TGFBRAP1: variants seen among roughly 807,000 people sequenced by gnomAD.
The protein encoded by TGFBRAP1 is transforming growth factor beta receptor associated protein 1.
In TGFBRAP1, 20 loss-of-function variants were observed where a neutral mutation model predicts 83.2. The observed-to-expected ratio is 0.24, with a 90% CI of 0.17 to 0.35. The LOEUF (loss-of-function observed/expected upper bound fraction) is 0.35, where lower values mean the gene tolerates loss of function less well. Among genes scored for constraint, TGFBRAP1 ranks in the 10% least tolerant of loss-of-function variants. TGFBRAP1 has a pLI of 1.00. For missense variants in TGFBRAP1, 950 were observed against 1,099.4 expected (o/e 0.86, Z 1.92); for synonymous variants, 415 against 459.8 (o/e 0.90, Z 1.25).
chr2:105,253,728 C>A, the TGFBRAP1 span, among the ~76,000 whole-genome samples: 4 of 152,294 alleles, frequency 2.6e-5, no homozygotes, highest in South Asian at 8.3e-4. Flanking sequence ...AGCCAATGAA[C>A]CTGGCCTCCT....
chr2:105,306,438 A>C (rs956960691), intron 2 of TGFBRAP1, among the ~76,000 whole-genome samples: 1 of 152,084 alleles, frequency 6.6e-6, no homozygotes, highest in Non-Finnish European at 1.5e-5. Flanking sequence ...GCTAGACATG[A>C]ATGGGAGGGA....
chr2:105,328,796 G>T (rs1359657664), intron 1 of TGFBRAP1, among the ~76,000 whole-genome samples: 2 of 152,198 alleles, frequency 1.3e-5, no homozygotes. Context: ...TGTGTGATCT[G>T]TGAGCCCCCA....
the TGFBRAP1 span, among the ~76,000 whole-genome samples, chr2:105,259,115 A>T: frequency 1.3e-5 from 2 of 152,286 alleles, no homozygotes; most frequent in South Asian, 2.1e-4. Flanking sequence ...TAATTGCATA[A>T]CCTTTGCTGT....
At position 105,280,642 on chromosome 2, in the gene TGFBRAP1, G is replaced by T; in HGVS notation, c.1203C>A (p.His401Gln). Residue 401 changes from histidine (H) to glutamine (Q), a missense_variant, in exon 6 of 12, where the codon CAC becomes CAA. His to Gln is a conservative substitution (Grantham distance 24). Transcript: ENST00000393359. ...LPTSSSFTRSHPPLHEYADLN... is the reference protein window; with the variant it reads ...LPTSSSFTRSQPPLHEYADLN... ...GGTCTGCGTACTCATGAAGAGGAGG[G>T]TGGGACCGGGTGAAGGAGGAGGAGG... The T allele has an allele frequency of 2.5e-6, 4 of 1,614,174 alleles. No individual in the cohort carries two copies. Among genetic ancestry groups the T allele is most frequent in the South Asian group, 2.2e-5 (2 of 91,080 alleles).
chr2:105,278,170 T>C (rs577706600), intron 6 of TGFBRAP1, among the ~76,000 whole-genome samples: 1 of 152,018 alleles, frequency 6.6e-6, no homozygotes, highest in Non-Finnish European at 1.5e-5. Context: ...TATTTACTTA[T>C]GGTACTAAAA....
downstream of TGFBRAP1, among the ~76,000 whole-genome samples, chr2:105,263,313 C>T (rs192838844): frequency 4.6e-5 from 7 of 152,256 alleles, no homozygotes; most frequent in Admixed American, 3.9e-4. Context: ...TTCTAAAAAC[C>T]GCAATGCGAT....
intron 1 of TGFBRAP1, among the ~76,000 whole-genome samples, chr2:105,320,118 A>G (rs1679011827): frequency 6.6e-6 from 1 of 152,196 alleles, no homozygotes; most frequent in African/African-American, 2.4e-5. Context: ...TCCACCTGAG[A>G]GCCAACTTTA....
chr2:105,274,546 G>A (rs1677272503), intron 8 of TGFBRAP1, among the ~76,000 whole-genome samples: 1 of 152,230 alleles, frequency 6.6e-6, no homozygotes, highest in African/African-American at 2.4e-5. Context: ...ACCTTTGTCA[G>A]GGGATTGTCC....
intron 1 of TGFBRAP1, among the ~76,000 whole-genome samples, chr2:105,316,462 T>TGTGTGTGTGTGTGTGTGTGC (rs1177329674): frequency 5.9e-5 from 5 of 84,816 alleles, no homozygotes; most frequent in Non-Finnish European, 6.9e-5. Context: ...TGTGTGTGTG[T>TGTGTGTGTGTGTGTGTGTGC]GCGCGCGCGC....
chr2:105,253,424 C>T, the TGFBRAP1 span, among the ~76,000 whole-genome samples: 6 of 152,070 alleles, frequency 3.9e-5, no homozygotes, highest in Non-Finnish European at 8.8e-5. Flanking sequence ...TGAGCCACCG[C>T]GCCTGGCCTT....
the TGFBRAP1 span, among the ~76,000 whole-genome samples, chr2:105,256,884 G>C: frequency 6.6e-6 from 1 of 152,180 alleles, no homozygotes; most frequent in African/African-American, 2.4e-5. Flanking sequence ...TAAATCTCAC[G>C]AAAACCAAGA....
chr2:105,286,271 G>A (rs1431179009), intron 4 of TGFBRAP1, among the ~76,000 whole-genome samples: 2 of 152,216 alleles, frequency 1.3e-5, no homozygotes, highest in African/African-American at 4.8e-5. Context: ...CATGGATGCT[G>A]AAGCCCAGGA....
At chr2:105,283,076 G>A (rs767884094) in intron 5 of TGFBRAP1, among the ~76,000 whole-genome samples, 12 of 152,152 alleles carry the variant, frequency 7.9e-5, no homozygotes, top group Non-Finnish European at 1.6e-4. Context: ...CCATGACCCC[G>A]GTGAGGAGGT....
chr2:105,296,571 CT>C, intron 3 of TGFBRAP1, 61 bp from the exon 4 acceptor site: 1 of 1,559,968 alleles, frequency 6.4e-7, no homozygotes, highest in South Asian at 1.2e-5. Flanking sequence ...AAAAAACACA[CT>C]GCTTTCCCCA....
At chr2:105,309,604 G>A (rs1678629424) in intron 1 of TGFBRAP1, among the ~76,000 whole-genome samples, 2 of 152,076 alleles carry the variant, frequency 1.3e-5, no homozygotes, top group Non-Finnish European at 2.9e-5. Context: ...CATCCATGGG[G>A]GCAATGACAG....
At position 105,269,513 on chromosome 2, in the gene TGFBRAP1, A is replaced by T; in HGVS notation, c.2165T>A (p.Ile722Asn). 1.2e-6 allele frequency: 2 copies of T among 1,613,150 alleles called. No individual in the cohort carries two copies. The highest frequency in any genetic ancestry group is 2.7e-5 in the African/African-American group (2 of 75,050). The stretch of plus-strand genomic sequence containing the variant: ...GGCAGTGGGGCCAGCATGCAGGTAG[A>T]TGGCCAGCAGCGTGTGAAAGAGTTG... ...RQQLFHTLLA[I>N]YLHAGPTAHE... The change falls in exon 11 of 12, where the codon ATC (isoleucine) becomes AAC (asparagine). Residue 722 changes from isoleucine (I) to asparagine (N), a missense_variant. Physicochemically the swap from Ile to Asn is moderately radical, Grantham distance 149. Coordinates refer to ENST00000393359, the MANE Select transcript of TGFBRAP1 (RefSeq NM_004257.6). The surrounding 1 kb of genome is among the most constrained non-coding windows in gnomAD (Gnocchi z 4.1).
chr2:105,254,791 T>C, the TGFBRAP1 span, among the ~76,000 whole-genome samples: 1 of 152,078 alleles, frequency 6.6e-6, no homozygotes, highest in Non-Finnish European at 1.5e-5. Context: ...GTGAGGCCTT[T>C]GGGAAGTGAT....
intron 4 of TGFBRAP1, among the ~76,000 whole-genome samples, chr2:105,285,183 G>C (rs118099763): frequency 6.6e-6 from 1 of 152,342 alleles, no homozygotes; most frequent in East Asian, 1.9e-4. Flanking sequence ...ATCGCCTCAT[G>C]AGTAAAGACT....
chr2:105,305,868 T>C (rs1678478376), intron 2 of TGFBRAP1, among the ~76,000 whole-genome samples: 1 of 152,082 alleles, frequency 6.6e-6, no homozygotes, highest in Non-Finnish European at 1.5e-5. Flanking sequence ...TTGGCCAGGC[T>C]GGTCTCGAAC....
Sources: allele counts gnomAD v4.1 joint callset (sites outside exome capture counted in the v4.1 genomes callset), GRCh38; gene constraint gnomAD v4.1.1; non-coding constraint Gnocchi (gnomAD v3.1); transcripts MANE v1.5; gene names NCBI Gene and HGNC (gene_info 2026-07-23, HGNC 2026-07-21).